Variants in DGKG observed in about 807,000 individuals in gnomAD.
DGKG encodes DAG kinase gamma.
In DGKG, 78 loss-of-function variants were observed where a neutral mutation model predicts 105.3. The observed-to-expected ratio is 0.74, with a 90% CI of 0.62 to 0.89. The LOEUF (loss-of-function observed/expected upper bound fraction) is 0.89, where lower values mean the gene tolerates loss of function less well. Among genes scored for constraint, DGKG ranks in the 40% least tolerant of loss-of-function variants. DGKG has a pLI of 0.00. For missense variants in DGKG, 958 were observed against 1,020.1 expected (o/e 0.94, Z 0.83); for synonymous variants, 346 against 367.1 (o/e 0.94, Z 0.66).
intron 1 of DGKG, among the ~76,000 whole-genome samples, chr3:186,327,826 C>T (rs1412753581): frequency 1.3e-5 from 2 of 152,184 alleles, no homozygotes; most frequent in Non-Finnish European, 2.9e-5. Context: ...AGATCTTTCT[C>T]ATTTAGAATT....
intron 17 of DGKG, among the ~76,000 whole-genome samples, chr3:186,254,952 C>T (rs143633665): frequency 5.3e-5 from 8 of 152,348 alleles, no homozygotes; most frequent in East Asian, 3.9e-4. Flanking sequence ...CTGCCTCCCA[C>T]GCAACATGTC....
chr3:186,322,596 T>A (rs1238857238), intron 1 of DGKG, among the ~76,000 whole-genome samples: 1 of 151,968 alleles, frequency 6.6e-6, no homozygotes, highest in African/African-American at 2.4e-5. Flanking sequence ...AAAGAAAAAA[T>A]GGGCACTTCC....
At chr3:186,234,938 C>G (rs1187669136) in intron 20 of DGKG, among the ~76,000 whole-genome samples, 1 of 152,142 alleles carries the variant, frequency 6.6e-6, no homozygotes, top group Non-Finnish European at 1.5e-5. Context: ...CACGTGGTTG[C>G]TCCCTTTTTT....
chr3:186,338,195 A>T (rs1725922163), intron 1 of DGKG, among the ~76,000 whole-genome samples: 1 of 151,374 alleles, frequency 6.6e-6, no homozygotes, highest in African/African-American at 2.4e-5. Context: ...AAAAGAAAGA[A>T]GGAAAAGTAG....
At chr3:186,209,486 G>A (rs1718921029) in intron 21 of DGKG, among the ~76,000 whole-genome samples, 1 of 152,116 alleles carries the variant, frequency 6.6e-6, no homozygotes, top group Non-Finnish European at 1.5e-5. Context: ...AGCTCACAGG[G>A]TTGGTTGTGT....
rs114297799 is a variant in DGKG, at chr3:186,307,498, G to A, written c.68-521C>T. Reference sequence around the variant, plus strand: ...CTTTGTAAAGTCTTCCTTTGCACCAGTCAGAGTTAAGCATTCCCTTCATTG... The same window carrying A: ...CTTTGTAAAGTCTTCCTTTGCACCAATCAGAGTTAAGCATTCCCTTCATTG... On this transcript the variant is annotated intron_variant, in intron 2 of 24. Coordinates refer to ENST00000265022, the MANE Select transcript of DGKG (RefSeq NM_001346.3). Among the ~76,000 whole-genome samples, 1,304 of 152,264 alleles carry A rather than the reference G, an allele frequency of 8.6e-3. 18 individuals are homozygous for A. Among genetic ancestry groups the A allele is most frequent in the African/African-American group, 0.03 (1,235 of 41,534 alleles).
intron 1 of DGKG, among the ~76,000 whole-genome samples, chr3:186,353,401 C>G (rs1057353451): frequency 2.1e-4 from 32 of 151,864 alleles, no homozygotes; most frequent in Non-Finnish European, 5.9e-5. Context: ...CATCTGTAAT[C>G]CCAGCTACTC....
At chr3:186,221,623 C>T (rs928797380) in intron 20 of DGKG, among the ~76,000 whole-genome samples, 7 of 152,220 alleles carry the variant, frequency 4.6e-5, no homozygotes, top group Admixed American at 2.0e-4. Flanking sequence ...AGCATTTACA[C>T]ATCCATCAGC....
At chr3:186,213,317 G>T (rs1444793693) in intron 20 of DGKG, among the ~76,000 whole-genome samples, 5 of 152,256 alleles carry the variant, frequency 3.3e-5, no homozygotes, top group Admixed American at 3.3e-4. Context: ...CTGCAGAGCA[G>T]CCAGGTGGGA....
intron 1 of DGKG, among the ~76,000 whole-genome samples, chr3:186,353,055 G>A (rs757214083): frequency 1.3e-5 from 2 of 152,124 alleles, no homozygotes; most frequent in Non-Finnish European, 2.9e-5. Flanking sequence ...ACAAAAACTG[G>A]CTTTGCATAC....
chr3:186,319,257 G>GGAT (rs1724964782), intron 2 of DGKG, among the ~76,000 whole-genome samples: 1 of 152,192 alleles, frequency 6.6e-6, no homozygotes, highest in South Asian at 2.1e-4. Flanking sequence ...CGGAGTCACA[G>GGAT]GATGCTGGGC....
intron 16 of DGKG, 21 bp downstream of exon 16, chr3:186,260,417 GT>G (rs1471258669): frequency 6.4e-7 from 1 of 1,559,640 alleles, no homozygotes; most frequent in African/African-American, 1.4e-5. Flanking sequence ...GAAATAAGAG[GT>G]AAAGATTGTG....
chr3:186,260,345 A>G, intron 16 of DGKG, 94 bp downstream of exon 16: 1 of 887,862 alleles, frequency 1.1e-6, no homozygotes, highest in Admixed American at 2.3e-5. Flanking sequence ...ACAAGTTGAG[A>G]GACGAAAGAA....
chr3:186,147,456 G>T lies in DGKG; in HGVS notation c.*2634C>A, dbSNP rs929132157. 2.0e-6 allele frequency: 2 copies of T among 985,286 alleles called. No homozygotes were observed. Among genetic ancestry groups the T allele is most frequent in the Non-Finnish European group, 2.4e-6 (2 of 829,880 alleles). 61.0% of individuals were successfully genotyped at this position (985,286 alleles called of 1,614,324 possible). ...ACTATGATGAGGGACTCCACCACAA[G>T]AAACCACAGTCATAGTGTTTAAAGG... is the stretch of plus-strand genomic sequence containing the variant. On this transcript the variant is annotated 3_prime_UTR_variant, in exon 25 of 25. Coordinates refer to ENST00000265022, the MANE Select transcript of DGKG (RefSeq NM_001346.3).
chr3:186,282,280 C>G (rs1169201891), intron 7 of DGKG, among the ~76,000 whole-genome samples: 1 of 152,064 alleles, frequency 6.6e-6, no homozygotes, highest in African/African-American at 2.4e-5. Flanking sequence ...TGCCTGTGTT[C>G]GAGAAGGAAG....
intron 16 of DGKG, among the ~76,000 whole-genome samples, chr3:186,258,911 A>C (rs1721609529): frequency 6.6e-6 from 1 of 152,178 alleles, no homozygotes. Flanking sequence ...TCCTGGCACA[A>C]AAAAGTTAAG....
chr3:186,190,912 A>T (rs1717874965), intron 21 of DGKG, among the ~76,000 whole-genome samples: 1 of 152,214 alleles, frequency 6.6e-6, no homozygotes, highest in Non-Finnish European at 1.5e-5. Flanking sequence ...CCTTTGGGGT[A>T]TGGCTGCTCT....
chr3:186,200,903 G>A (rs886697661), intron 21 of DGKG, among the ~76,000 whole-genome samples: 4 of 152,194 alleles, frequency 2.6e-5, no homozygotes, highest in East Asian at 1.9e-4. Context: ...TGTGCCAGGC[G>A]GGCACAATGG....
chr3:186,310,971 T>C (rs1161680533), intron 2 of DGKG, among the ~76,000 whole-genome samples: 1 of 152,172 alleles, frequency 6.6e-6, no homozygotes, highest in Admixed American at 6.5e-5. Flanking sequence ...TAAGTCACAC[T>C]TCTTAAACAT....
Sources: allele counts gnomAD v4.1 joint callset (sites outside exome capture counted in the v4.1 genomes callset), GRCh38; gene constraint gnomAD v4.1.1; transcripts MANE v1.5; gene names NCBI Gene and HGNC (gene_info 2026-07-23, HGNC 2026-07-21).